ARHGAP23: variants seen among roughly 807,000 people sequenced by gnomAD.
ARHGAP23 encodes rho GTPase-activating protein 23.
Under a neutral mutation model 136.3 loss-of-function variants are expected in ARHGAP23, and 34 were observed. The observed-to-expected ratio is 0.25, with a 90% CI of 0.19 to 0.33. The LOEUF (loss-of-function observed/expected upper bound fraction) is 0.33. ARHGAP23 is among the 10% of genes least tolerant of loss of function. ARHGAP23 has a pLI of 1.00. For synonymous variants in ARHGAP23, 832 were observed against 920.5 expected (o/e 0.90, Z 1.74); for missense variants, 1,808 against 2,139.0 (o/e 0.85, Z 3.05).
At chr17:38,461,690 C>T (rs1490467502) in intron 3 of ARHGAP23, among the ~76,000 whole-genome samples, 3 of 126,940 alleles carry the variant, frequency 2.4e-5, no homozygotes, top group South Asian at 2.9e-4. Context: ...CTAGGGGCCT[C>T]GGACCTCTGC....
In ARHGAP23 at chr17:38,466,697, G is replaced by C. The variant is rs1301194820; in HGVS notation, c.1014G>C (p.Leu338Phe). ...CCTGCTCCACCTCCCAGGATGCTTTGAGCCAGCTGGGCCAGGAGGGCTGGC... is the reference window on the plus strand; with the variant it reads ...CCTGCTCCACCTCCCAGGATGCTTTCAGCCAGCTGGGCCAGGAGGGCTGGC... Reference protein sequence around the residue: ...PWPCSTSQDALSQLGQEGWHR... With the variant: ...PWPCSTSQDAFSQLGQEGWHR... The change falls in exon 7 of 24, where the codon TTG (leucine) becomes TTC (phenylalanine). Residue 338 changes from leucine (L) to phenylalanine (F), a missense_variant. This residue lies in a region of ARHGAP23 where 859 missense variants were observed against 936.4 expected (regional missense o/e 0.92). Coordinates refer to ENST00000622683, the MANE Select transcript of ARHGAP23 (RefSeq NM_001199417.2). The C allele has an allele frequency of 1.3e-6, 2 of 1,529,014 alleles. No homozygotes were observed. The highest frequency in any genetic ancestry group is 1.8e-6 in the Non-Finnish European group (2 of 1,137,630). The allele number at this position is 1,529,014 out of a possible 1,614,324, so 94.7% of individuals were successfully genotyped here.
chr17:38,505,831 G>A (rs1445699944), intron 23 of ARHGAP23, among the ~76,000 whole-genome samples: 1 of 152,220 alleles, frequency 6.6e-6, no homozygotes, highest in Non-Finnish European at 1.5e-5. Context: ...AGGCGGCTGA[G>A]GCAGGAGAAT....
intron 17 of ARHGAP23, among the ~76,000 whole-genome samples, chr17:38,488,892 T>C (rs1351117178): frequency 1.3e-5 from 2 of 152,070 alleles, no homozygotes; most frequent in African/African-American, 4.8e-5. Context: ...ATTTATTTTC[T>C]TGAGACTGAG....
intron 2 of ARHGAP23, among the ~76,000 whole-genome samples, chr17:38,459,524 C>T (rs564514159): frequency 5.9e-5 from 9 of 152,252 alleles, no homozygotes; most frequent in South Asian, 4.1e-4. Flanking sequence ...CTTAGTTCTC[C>T]GGAACCCCCA....
intron 23 of ARHGAP23, among the ~76,000 whole-genome samples, chr17:38,506,175 G>C (rs888318508): frequency 6.6e-6 from 1 of 152,198 alleles, no homozygotes; most frequent in South Asian, 2.1e-4. Context: ...AATATGAATA[G>C]TTACAATTTA....
rs1158753344 is a variant in ARHGAP23, at chr17:38,471,982, G to A, written c.2094G>A (p.Lys698=). The change falls in exon 11 of 24, where the codon AAG becomes AAA. Residue 698 remains lysine (K), a synonymous_variant. Coordinates refer to ENST00000622683, the MANE Select transcript of ARHGAP23 (RefSeq NM_001199417.2). ...GGAGAGAAGGCTGGTTGTATTATAA[G>A]CAGATTCTCACCAAGAAGGGGAAGG... is the stretch of plus-strand genomic sequence containing the variant. ...DIRREGWLYY[K]QILTKKGKKA... 6.5e-7 allele frequency: 1 copy of A among 1,549,462 alleles called. No homozygotes were observed. The highest frequency in any genetic ancestry group is 1.4e-5 in the African/African-American group (1 of 72,968).
chr17:38,494,731 G>T (rs1167052850), intron 20 of ARHGAP23, among the ~76,000 whole-genome samples: 1 of 152,230 alleles, frequency 6.6e-6, no homozygotes, highest in African/African-American at 2.4e-5. Flanking sequence ...TGGGGTCGTA[G>T]TCATGGAGTT....
At chr17:38,464,290 C>CCA (rs139399817) in intron 6 of ARHGAP23, among the ~76,000 whole-genome samples, 15,117 of 150,906 alleles carry the variant, frequency 0.1, 1,345 homozygotes, top group African/African-American at 0.24. Context: ...GCATACCCTT[C>CCA]CACACACACA....
rs1477196169 is a variant in ARHGAP23 at position 38,491,504 on chromosome 17, A to G, written c.3248A>G (p.Tyr1083Cys). The change falls in exon 20 of 24, where the codon TAC (tyrosine) becomes TGC (cysteine). Residue 1083 changes from tyrosine (Y) to cysteine (C), a missense_variant. By Grantham distance (194) the Tyr-to-Cys change is radical. This residue lies in a region of ARHGAP23 where 22 missense variants were observed against 67.5 expected (regional missense o/e 0.33). Transcript: ENST00000622683. ...ATGGTGACCCACATGCCTGACCGCT[A>G]CAAGATCGTGGAGACACTGATCCAG... ...TDMVTHMPDR[Y>C]KIVETLIQHS... 2.6e-6 allele frequency: 4 copies of G among 1,549,576 alleles called. No homozygotes were observed. The highest frequency in any genetic ancestry group is 1.2e-5 in the South Asian group (1 of 83,974).
chr17:38,503,299 C>T (rs537080068), intron 23 of ARHGAP23, among the ~76,000 whole-genome samples: 3 of 152,196 alleles, frequency 2.0e-5, no homozygotes, highest in South Asian at 2.1e-4. Context: ...CTTTCCTCAG[C>T]GAAGTGGAAG....
In ARHGAP23 at chr17:38,511,001, A is replaced by C; in HGVS notation, c.*29A>C. 9 of 1,398,906 alleles carry C rather than the reference A, an allele frequency of 6.4e-6. No individual in the cohort carries two copies. Among genetic ancestry groups the C allele is most frequent in the Non-Finnish European group, 8.3e-6 (9 of 1,090,174 alleles). 86.7% of individuals were successfully genotyped at this position (1,398,906 alleles called of 1,614,324 possible). On this transcript the variant is annotated 3_prime_UTR_variant, in exon 24 of 24. Coordinates refer to ENST00000622683, the MANE Select transcript of ARHGAP23 (RefSeq NM_001199417.2). ...CCACCTCCCGCGCCGCTCGGGCGCC[A>C]CCCCTCCCTAGAGCCCCTTTGGAAC...
rs1471277961 is a variant in ARHGAP23 at position 38,469,546 on chromosome 17, C to T, written c.1827C>T (p.Arg609=). 3.2e-6 allele frequency: 5 copies of T among 1,548,418 alleles called. No individual in the cohort carries two copies. The highest frequency in any genetic ancestry group is 4.4e-6 in the Non-Finnish European group (5 of 1,146,686). Reference sequence around the variant, plus strand: ...CAGGCAGCATCAAGGCTGGCCGCCGCTCCTCCTACCTGCTGGCCATCACCA... The same window carrying T: ...CAGGCAGCATCAAGGCTGGCCGCCGTTCCTCCTACCTGCTGGCCATCACCA... ...QDCSSIKAGR[R]SSYLLAITTE... is the part of the protein sequence containing the mutation. The change falls in exon 9 of 24, where the codon CGC becomes CGT. Residue 609 remains arginine (R), a synonymous_variant. Transcript: ENST00000622683.
intron 16 of ARHGAP23, among the ~76,000 whole-genome samples, chr17:38,484,293 C>T (rs2040112627): frequency 6.6e-6 from 1 of 151,986 alleles, no homozygotes; most frequent in Non-Finnish European, 1.5e-5. Flanking sequence ...GTGGTATCTT[C>T]CCTTGGCAGA....
At chr17:38,428,439 C>G (rs766345115), upstream of ARHGAP23, 3 of 1,282,340 alleles carry the variant, frequency 2.3e-6, no homozygotes, top group Non-Finnish European at 3.0e-6. Context: ...GGGTCCCTGC[C>G]GGCGCCCCCA....
intron 2 of ARHGAP23, among the ~76,000 whole-genome samples, chr17:38,458,763 C>T (rs76221106): frequency 0.011 from 1,600 of 152,292 alleles, 24 homozygotes; most frequent in African/African-American, 0.036. Context: ...CAGCTCAGTG[C>T]GCTGGAAACA....
chr17:38,466,218 G>A lies in ARHGAP23; in HGVS notation c.535G>A (p.Ala179Thr), dbSNP rs1418116155. The change falls in exon 7 of 24, where the codon GCC becomes ACC. Residue 179 changes from alanine to threonine, a missense_variant. Ala to Thr is a moderately conservative substitution (Grantham distance 58). Coordinates refer to ENST00000622683, the MANE Select transcript of ARHGAP23 (RefSeq NM_001199417.2). ...LKGNEPYSGEARSIPEPPPIC... is the reference protein window; with the variant it reads ...LKGNEPYSGETRSIPEPPPIC... ...AGGGAACGAGCCGTATTCTGGAGAG[G>A]CCCGCAGCATCCCAGAGCCACCCCC... The A allele has an allele frequency of 6.5e-7, 1 of 1,541,674 alleles. No homozygotes were observed. The highest frequency in any genetic ancestry group is 8.8e-7 in the Non-Finnish European group (1 of 1,141,628).
chr17:38,466,337 C>T lies in ARHGAP23; in HGVS notation c.654C>T (p.Asp218=), dbSNP rs960627054. Residue 218 remains aspartate (D), a synonymous_variant, in exon 7 of 24, where the codon GAC becomes GAT. Coordinates refer to ENST00000622683, the MANE Select transcript of ARHGAP23 (RefSeq NM_001199417.2). The part of the protein sequence containing the change: ...VPEPTSALPS[D]PRSPAAWSDP... ...AGCCCACCTCAGCACTGCCCAGTGACCCCCGGAGTCCTGCTGCCTGGAGTG... is the reference window on the plus strand; with the variant it reads ...AGCCCACCTCAGCACTGCCCAGTGATCCCCGGAGTCCTGCTGCCTGGAGTG... 6.5e-6 allele frequency: 10 copies of T among 1,543,010 alleles called. No individual in the cohort carries two copies. In the African/African-American group the frequency reaches 6.9e-5, roughly 11 times the overall value.
intron 1 of ARHGAP23, among the ~76,000 whole-genome samples, chr17:38,432,068 C>G (rs1428393042): frequency 6.6e-6 from 1 of 152,190 alleles, no homozygotes; most frequent in East Asian, 1.9e-4. Flanking sequence ...CCGCCTGTGG[C>G]CCCCCAGGGC....
At chr17:38,427,767 G>A (rs1597730675), upstream of ARHGAP23, among the ~76,000 whole-genome samples, 1 of 152,180 alleles carries the variant, frequency 6.6e-6, no homozygotes, top group Admixed American at 6.5e-5. Flanking sequence ...TTCTATGCTC[G>A]ACTCCCCCTC....
Sources: allele counts gnomAD v4.1 joint callset (sites outside exome capture counted in the v4.1 genomes callset), GRCh38; gene constraint gnomAD v4.1.1; regional missense constraint gnomAD v4.1.1; transcripts MANE v1.5; gene names NCBI Gene and HGNC (gene_info 2026-07-23, HGNC 2026-07-21).